The following SGPP2 variants were observed in gnomAD, a reference collection of about 807,000 sequenced individuals.
SGPP2 encodes the protein sphingosine-1-phosphate phosphatase 2, also known as sphingosine 1-phosphate phosphohydrolase 2.
A neutral mutation model predicts 33.9 loss-of-function variants in SGPP2; 30 were observed. The observed-to-expected ratio is 0.89, with a 90% CI of 0.66 to 1.20. The LOEUF (loss-of-function observed/expected upper bound fraction) is 1.20, where lower values mean the gene tolerates loss of function less well. Ranked by LOEUF, SGPP2 falls within the 50% of genes most tolerant of loss-of-function variation. SGPP2 has a pLI of 0.00. For missense variants in SGPP2, 458 were observed against 532.1 expected, an observed-to-expected ratio of 0.86 and a Z score of 1.37; for synonymous variants, 233 against 225.0, an observed-to-expected ratio of 1.04 and a Z score of -0.32.
At position 222,476,071 on chromosome 2, in the gene SGPP2, G is replaced by A. The variant is rs1387078949; in HGVS notation, c.378+1345G>A. On this transcript the variant is annotated intron_variant, in intron 2 of 4. Transcript: ENST00000321276. This position sits in a 1 kb window ranked among gnomAD's most constrained non-coding sequence, Gnocchi z 4.3. ...TCTAAGGTCAAAGGTTATTTAGCTG[G>A]TGGAGGGAACTTCCAGACAAGACTG... Among the ~76,000 whole-genome samples the A allele has an allele frequency of 2.0e-5, 3 of 152,216 alleles. No individual in the cohort carries two copies. Among genetic ancestry groups the A allele is most frequent in the Admixed American group, 2.0e-4 (3 of 15,292 alleles).
At chr2:222,499,626 G>C (rs1698335865) in intron 2 of SGPP2, among the ~76,000 whole-genome samples, 1 of 152,144 alleles carries the variant, frequency 6.6e-6, no homozygotes, top group South Asian at 2.1e-4. Context: ...TGGGGCATTG[G>C]GGGAAACACA....
intron 1 of SGPP2, among the ~76,000 whole-genome samples, chr2:222,464,244 G>A (rs548657451): frequency 1.3e-5 from 2 of 152,198 alleles, no homozygotes; most frequent in Non-Finnish European, 2.9e-5. Context: ...TTAAAGGGCA[G>A]CTGGCTCTCC....
chr2:222,464,395 A>G (rs1007642010), intron 1 of SGPP2, among the ~76,000 whole-genome samples: 2 of 152,204 alleles, frequency 1.3e-5, no homozygotes, highest in African/African-American at 4.8e-5. Flanking sequence ...TGTCCTATCC[A>G]GATAAAGGCT....
In SGPP2 at chr2:222,559,816, A is replaced by C. The variant is rs1345413282; in HGVS notation, c.*918A>C. ...TGGGTGGTAAGATCACTCTGAAAGA[A>C]AGCTCACTGTGAAGAGATGAAAGGT... On this transcript the variant is annotated 3_prime_UTR_variant, in exon 5 of 5. Transcript: ENST00000321276. The C allele has an allele frequency of 6.6e-6, 1 of 152,394 alleles. No homozygotes were observed. Among genetic ancestry groups the C allele is most frequent in the Non-Finnish European group, 1.5e-5 (1 of 68,194 alleles). 9.4% of individuals were successfully genotyped at this position (152,394 alleles called of 1,614,324 possible). A position where few individuals can be genotyped will look rare whatever the true frequency, so the allele number is the denominator to read the frequency against.
In SGPP2 at chr2:222,476,021, G is replaced by A. The variant is rs144440691; in HGVS notation, c.378+1295G>A. ...CGCATAGTGACTGGTGCATGAAGGC[G>A]AAGGAGTCTTGAAGATCAACCAACT... is the stretch of plus-strand genomic sequence containing the variant. On this transcript the variant is annotated intron_variant, in intron 2 of 4. Transcript: ENST00000321276. The surrounding 1 kb of genome is among the most constrained non-coding windows in gnomAD (Gnocchi z 4.3). Among the ~76,000 whole-genome samples, 9 of 152,310 alleles carry A rather than the reference G, an allele frequency of 5.9e-5. No homozygotes were observed. Among genetic ancestry groups the A allele is most frequent in the African/African-American group, 2.2e-4 (9 of 41,566 alleles).
intron 4 of SGPP2, among the ~76,000 whole-genome samples, chr2:222,530,844 C>T (rs904083574): frequency 2.0e-5 from 3 of 152,138 alleles, no homozygotes; most frequent in Admixed American, 1.3e-4. Context: ...GCCTTCCTCA[C>T]TAAGGTTAAT....
intron 4 of SGPP2, among the ~76,000 whole-genome samples, chr2:222,539,243 A>G (rs1698958137): frequency 6.6e-6 from 1 of 152,236 alleles, no homozygotes; most frequent in African/African-American, 2.4e-5. Context: ...GTCTGGCCCC[A>G]TGTGAGTCCA....
Position 222,561,113 on chromosome 2 carries a change from A to AAAAAG in SGPP2, c.*2218_*2222dup, listed in dbSNP as rs1689530393. On this transcript the variant is annotated 3_prime_UTR_variant, in exon 5 of 5. Coordinates refer to ENST00000321276, the MANE Select transcript of SGPP2 (RefSeq NM_152386.4). Reference sequence around the variant, plus strand: ...GAGCGAGACTCTCTCAAAAAAAAAAAAAAAGAATTTTTAGCAAAACATCCT... The same window carrying AAAAAG: ...GAGCGAGACTCTCTCAAAAAAAAAAAAAAAGAAAAGAATTTTTAGCAAAACATCCT... Among the ~76,000 whole-genome samples, 1 of 152,062 alleles carries AAAAAG rather than the reference A, an allele frequency of 6.6e-6. No individual in the cohort carries two copies. The highest frequency in any genetic ancestry group is 1.5e-5 in the Non-Finnish European group (1 of 68,010).
chr2:222,452,275 G>A, intron 1 of SGPP2: 1 of 504,356 alleles, frequency 2.0e-6, no homozygotes, highest in Non-Finnish European at 3.7e-6. Context: ...GACTGGATAG[G>A]CATAATGGAA....
intron 2 of SGPP2, among the ~76,000 whole-genome samples, chr2:222,492,516 G>A (rs919010750): frequency 1.6e-4 from 25 of 152,240 alleles, no homozygotes; most frequent in Admixed American, 1.4e-3. Flanking sequence ...ACCAAATCCT[G>A]AGGCTGCATA....
intron 2 of SGPP2, among the ~76,000 whole-genome samples, chr2:222,481,822 T>G (rs1473684412): frequency 6.6e-6 from 1 of 152,172 alleles, no homozygotes; most frequent in Non-Finnish European, 1.5e-5. Context: ...CTGAGTTTCT[T>G]CTTGATTTTT....
chr2:222,487,967 T>C (rs1479265350), intron 2 of SGPP2, among the ~76,000 whole-genome samples: 1 of 152,146 alleles, frequency 6.6e-6, no homozygotes, highest in Non-Finnish European at 1.5e-5. Flanking sequence ...CTCAGATGTT[T>C]ATCATAGAGA....
intron 2 of SGPP2, among the ~76,000 whole-genome samples, chr2:222,495,810 C>A (rs952119745): frequency 5.4e-4 from 82 of 152,290 alleles, no homozygotes; most frequent in African/African-American, 1.9e-3. Context: ...AAATACCTGC[C>A]ACCTTGACTT....
intron 2 of SGPP2, among the ~76,000 whole-genome samples, chr2:222,518,895 GTTACTGGGT>G (rs533277854): frequency 4.3e-4 from 66 of 152,314 alleles, no homozygotes; most frequent in African/African-American, 1.5e-3. Context: ...TTCTCAGGGG[GTTACTGGGT>G]TTGCTGGAAT....
intron 1 of SGPP2, among the ~76,000 whole-genome samples, chr2:222,473,453 T>C (rs1697880050): frequency 6.6e-6 from 1 of 152,204 alleles, no homozygotes; most frequent in Non-Finnish European, 1.5e-5. Flanking sequence ...AAGAAAATTC[T>C]TGTGATTAGG....
At chr2:222,513,273 A>G (rs1408036993) in intron 2 of SGPP2, among the ~76,000 whole-genome samples, 2 of 152,238 alleles carry the variant, frequency 1.3e-5, no homozygotes, top group Non-Finnish European at 2.9e-5. Context: ...AGACAAAGCT[A>G]TTCAATTCTG....
intron 1 of SGPP2, among the ~76,000 whole-genome samples, chr2:222,459,601 G>A (rs574511630): frequency 6.6e-6 from 1 of 152,230 alleles, no homozygotes; most frequent in South Asian, 2.1e-4. Flanking sequence ...GTGTATGCAT[G>A]CATGTGTGTG....
At chr2:222,517,215 C>A (rs934236675) in intron 2 of SGPP2, among the ~76,000 whole-genome samples, 19 of 152,200 alleles carry the variant, frequency 1.2e-4, no homozygotes, top group African/African-American at 4.6e-4. Context: ...GCCTGGAAAC[C>A]CACTGCCCTA....
chr2:222,434,191 C>A (rs1379235228), intron 1 of SGPP2, among the ~76,000 whole-genome samples: 2 of 152,166 alleles, frequency 1.3e-5, no homozygotes, highest in East Asian at 1.9e-4. Flanking sequence ...CTTTATTATT[C>A]TTCTTGCCTG....
Sources: allele counts gnomAD v4.1 joint callset (sites outside exome capture counted in the v4.1 genomes callset), GRCh38; gene constraint gnomAD v4.1.1; non-coding constraint Gnocchi (gnomAD v3.1); transcripts MANE v1.5; gene names NCBI Gene and HGNC (gene_info 2026-07-23, HGNC 2026-07-21).